The following OSBPL5 variants were observed in gnomAD, a reference collection of about 807,000 sequenced individuals.
The protein encoded by OSBPL5 is oxysterol-binding protein-related protein 5.
Under a neutral mutation model 111.2 loss-of-function variants are expected in OSBPL5, and 71 were observed. The ratio of observed to expected loss-of-function variants is 0.64; its 90% CI spans 0.53 to 0.78. The LOEUF is 0.78. Among genes scored for constraint, OSBPL5 ranks in the 30% least tolerant of loss-of-function variants. The probability of loss-of-function intolerance (pLI) is 0.00; values close to 1 mark genes in which losing one functional copy is unlikely to be tolerated. For synonymous variants in OSBPL5, 549 were observed against 513.9 expected (o/e 1.07, Z -0.93); for missense variants, 1,210 against 1,189.3 (o/e 1.02, Z -0.26).
At chr11:3,111,919 TAA>T (rs141162280) in intron 7 of OSBPL5, among the ~76,000 whole-genome samples, 2,312 of 152,086 alleles carry the variant, frequency 0.015, 51 homozygotes, top group African/African-American at 0.053. Flanking sequence ...GCTCAATGGT[TAA>T]AAGTCAGTTT....
At chr11:3,089,532 G>A (rs1320960520) in intron 21 of OSBPL5, among the ~76,000 whole-genome samples, 1 of 152,222 alleles carries the variant, frequency 6.6e-6, no homozygotes, top group Non-Finnish European at 1.5e-5. Flanking sequence ...CACACCTCAA[G>A]GTCTCTCCTG....
chr11:3,093,380 T>G, intron 17 of OSBPL5, 147 bp downstream of exon 17: 23 of 1,272,720 alleles, frequency 1.8e-5, no homozygotes, highest in Non-Finnish European at 2.3e-5. Context: ...CCAGGACACG[T>G]GATCTGCCAC....
At chr11:3,131,705 T>TCCATCCATCCTCCCAA (rs1390907330) in intron 1 of OSBPL5, among the ~76,000 whole-genome samples, 1 of 119,162 alleles carries the variant, frequency 8.4e-6, no homozygotes, top group Non-Finnish European at 1.7e-5. Context: ...CATCTATCCA[T>TCCATCCATCCTCCCAA]CCATCCATCC....
rs1420760309 is a variant in OSBPL5 at position 3,105,109 on chromosome 11, C to T, written c.1060-732G>A. Among the ~76,000 whole-genome samples, 1 of 152,170 alleles carries T rather than the reference C, an allele frequency of 6.6e-6. No individual in the cohort carries two copies. The highest frequency in any genetic ancestry group is 1.5e-5 in the Non-Finnish European group (1 of 68,024). On this transcript the variant is annotated intron_variant, in intron 9 of 21. Transcript: ENST00000263650. The surrounding 1 kb of genome is among the most constrained non-coding windows in gnomAD (Gnocchi z 5.2). ...TCCAGACTTGCACCTCACCGCAGCC[C>T]CAGGGAACGGGGACCCTGGTCCTCC...
chr11:3,136,270 C>G (rs1845945782), intron 1 of OSBPL5, among the ~76,000 whole-genome samples: 1 of 152,250 alleles, frequency 6.6e-6, no homozygotes. Context: ...AGTAATCCAG[C>G]CTCCAAAGTG....
chr11:3,111,700 G>A (rs955657174), intron 7 of OSBPL5, among the ~76,000 whole-genome samples: 15 of 151,762 alleles, frequency 9.9e-5, no homozygotes, highest in African/African-American at 1.9e-4. Context: ...CAATGGTGGC[G>A]TGATGGGGGG....
Position 3,106,662 on chromosome 11 carries a change from G to T in OSBPL5, c.1059+601C>A, listed in dbSNP as rs116634350. 2.6e-5 allele frequency among the ~76,000 whole-genome samples: 4 copies of T among 152,110 alleles called. No individual in the cohort carries two copies. The highest frequency in any genetic ancestry group is 9.7e-5 in the African/African-American group (4 of 41,412). On this transcript the variant is annotated intron_variant, in intron 9 of 21. Transcript: ENST00000263650. This position sits in a 1 kb window ranked among gnomAD's most constrained non-coding sequence, Gnocchi z 8.4. ...CGCTGGTGGTCCTTCTTCTTGGAAC[G>T]CCATCCTCCCTCCCGTCACTCACGT... is the stretch of plus-strand genomic sequence containing the variant.
chr11:3,100,101 C>T lies in OSBPL5; in HGVS notation c.1621+57G>A, dbSNP rs903214299. ...GCAAATAACCAAAGGGTTTTAGCATCTAGCTGCTCTCACAGAGCCTGGCTC... is the reference window on the plus strand; with the variant it reads ...GCAAATAACCAAAGGGTTTTAGCATTTAGCTGCTCTCACAGAGCCTGGCTC... On this transcript the variant is annotated intron_variant, in intron 14 of 21. Transcript: ENST00000263650. 2.0e-6 allele frequency: 3 copies of T among 1,508,156 alleles called. No individual in the cohort carries two copies. The African/African-American group carries it at 4.1e-5, about 21-fold the overall frequency. The allele number at this position is 1,508,156 out of a possible 1,614,324, so 93.4% of individuals were successfully genotyped here. A position where few individuals can be genotyped will look rare whatever the true frequency, so the allele number is the denominator to read the frequency against.
chr11:3,149,778 C>A (rs531755075), intron 1 of OSBPL5, among the ~76,000 whole-genome samples: 12 of 152,352 alleles, frequency 7.9e-5, no homozygotes, highest in South Asian at 2.1e-4. Flanking sequence ...GGGTGGTCAC[C>A]GCCCTGGCAG....
At chr11:3,114,590 G>GCCTTT (rs1858137881) in intron 7 of OSBPL5, among the ~76,000 whole-genome samples, 1 of 58,280 alleles carries the variant, frequency 1.7e-5, no homozygotes, top group African/African-American at 1.0e-4. Flanking sequence ...TTAGAACAAT[G>GCCTTT]ATTTTTTTTT....
chr11:3,122,444 G>A lies in OSBPL5; in HGVS notation c.220-16C>T. ...TGTACTCTGCCTGAAAGAGAGAGGT[G>A]GGTATGCGGGACAGGGCACAGGGGC... On this transcript the variant is annotated splice_polypyrimidine_tract_variant and intron_variant, in intron 3 of 21. Coordinates refer to ENST00000263650, the MANE Select transcript of OSBPL5 (RefSeq NM_020896.4). 1 of 1,612,356 alleles carries A rather than the reference G, an allele frequency of 6.2e-7. No homozygotes were observed. The highest frequency in any genetic ancestry group is 8.5e-7 in the Non-Finnish European group (1 of 1,179,090).
Position 3,103,814 on chromosome 11 carries a change from G to GCAGTCCCTT in OSBPL5, c.1244+378_1244+379insAAGGGACTG, listed in dbSNP as rs1857577601. ...TTCCTGCCTCTGCAGCCCTCTTCCT[G>GCAGTCCCTT]CCTGCGCAGCCCCCTTCCAGCCTCT... On this transcript the variant is annotated intron_variant, in intron 10 of 21. Transcript: ENST00000263650. Among the ~76,000 whole-genome samples, 13 of 27,350 alleles carry GCAGTCCCTT rather than the reference G, an allele frequency of 4.8e-4. 1 individual carries two copies. The highest frequency in any genetic ancestry group is 9.9e-4 in the African/African-American group (13 of 13,068). The allele number at this position is 27,350 out of a possible 152,430, so 17.9% of individuals were successfully genotyped here. A position where few individuals can be genotyped will look rare whatever the true frequency, so the allele number is the denominator to read the frequency against.
intron 1 of OSBPL5, among the ~76,000 whole-genome samples, chr11:3,132,711 G>C (rs1845845638): frequency 6.6e-6 from 1 of 152,178 alleles, no homozygotes. Flanking sequence ...CTTCCCGGAG[G>C]CTTGGCCACT....
chr11:3,154,145 G>A lies in OSBPL5; in HGVS notation c.-22+11071C>T, dbSNP rs1477291646. On this transcript the variant is annotated intron_variant, in intron 1 of 21. Coordinates refer to ENST00000263650, the MANE Select transcript of OSBPL5 (RefSeq NM_020896.4). This position sits in a 1 kb window ranked among gnomAD's most constrained non-coding sequence, Gnocchi z 4.9. Reference sequence around the variant, plus strand: ...GGCCCCGTGTGGTGTCCAGAGAGCTGCTGTAGGAGGTGTTTGCTAGACTGG... The same window carrying A: ...GGCCCCGTGTGGTGTCCAGAGAGCTACTGTAGGAGGTGTTTGCTAGACTGG... 2.0e-5 allele frequency among the ~76,000 whole-genome samples: 3 copies of A among 152,276 alleles called. No individual in the cohort carries two copies. Among genetic ancestry groups the A allele is most frequent in the Non-Finnish European group, 1.5e-5 (1 of 68,050 alleles).
Position 3,104,279 on chromosome 11 carries a change from G to C in OSBPL5, c.1158C>G (p.Arg386=), listed in dbSNP as rs138582624. 7.7e-5 allele frequency: 125 copies of C among 1,613,824 alleles called. No homozygotes were observed. The African/African-American group carries it at 1.4e-3, about 19-fold the overall frequency. The change falls in exon 10 of 22, where the codon CGC becomes CGG. Residue 386 remains arginine (R), a synonymous_variant. Coordinates refer to ENST00000263650, the MANE Select transcript of OSBPL5 (RefSeq NM_020896.4). This position sits in a 1 kb window ranked among gnomAD's most constrained non-coding sequence, Gnocchi z 5.0. ...KQLRPGMDLS[R]VVLPTFVLEP... is the part of the protein sequence containing the mutation. ...CCAGTACGAACGTGGGTAGCACCACGCGGGACAGGTCCATGCCTGGCCGTA... is the reference window on the plus strand; with the variant it reads ...CCAGTACGAACGTGGGTAGCACCACCCGGGACAGGTCCATGCCTGGCCGTA...
At chr11:3,129,707 C>G (rs1175330444) in intron 1 of OSBPL5, among the ~76,000 whole-genome samples, 1 of 152,212 alleles carries the variant, frequency 6.6e-6, no homozygotes, top group Non-Finnish European at 1.5e-5. Context: ...AGCGCCTCGC[C>G]TCTGGTTAAG....
intron 1 of OSBPL5, among the ~76,000 whole-genome samples, chr11:3,139,001 TC>T (rs1266561530): frequency 6.6e-6 from 1 of 152,204 alleles, no homozygotes. Flanking sequence ...GTCTCCGCCC[TC>T]CAGGGGCACC....
At chr11:3,095,193 G>A (rs1857211482) in intron 14 of OSBPL5, among the ~76,000 whole-genome samples, 1 of 151,794 alleles carries the variant, frequency 6.6e-6, no homozygotes, top group South Asian at 2.1e-4. Context: ...GTGCAGCTCT[G>A]ATGGGGGGAG....
chr11:3,103,873 T>TGTGCCGCCCCCTTCCA (rs1857595919), intron 10 of OSBPL5, among the ~76,000 whole-genome samples: 3 of 22,612 alleles, frequency 1.3e-4, no homozygotes, highest in South Asian at 1.1e-3. Context: ...GCCCCCTTCC[T>TGTGCCGCCCCCTTCCA]GCCTCTGTAG....
Sources: allele counts gnomAD v4.1 joint callset (sites outside exome capture counted in the v4.1 genomes callset), GRCh38; gene constraint gnomAD v4.1.1; non-coding constraint Gnocchi (gnomAD v3.1); transcripts MANE v1.5; gene names NCBI Gene and HGNC (gene_info 2026-07-23, HGNC 2026-07-21).